The following LRRTM4 variants were observed in gnomAD, a reference collection of about 807,000 sequenced individuals.
LRRTM4 encodes leucine rich repeat transmembrane neuronal 4, also known as leucine-rich repeat transmembrane neuronal protein 4.
Under a neutral mutation model 47.6 loss-of-function variants are expected in LRRTM4, and 25 were observed. The observed-to-expected ratio is 0.53, with a 90% CI of 0.38 to 0.73. LRRTM4 has a LOEUF of 0.73. LRRTM4 is among the 30% of genes least tolerant of loss of function. The pLI is 0.00. For synonymous variants in LRRTM4, 311 were observed against 269.5 expected, an observed-to-expected ratio of 1.15 and a Z score of -1.51; for missense variants, 638 against 713.4, an observed-to-expected ratio of 0.89 and a Z score of 1.20.
At chr2:77,123,708 T>G (rs952382381) in intron 3 of LRRTM4, among the ~76,000 whole-genome samples, 1 of 152,102 alleles carries the variant, frequency 6.6e-6, no homozygotes, top group African/African-American at 2.4e-5. Context: ...TGTTTTCACA[T>G]CAGAAGTTAA....
chr2:77,031,604 G>A (rs955898402), intron 3 of LRRTM4, among the ~76,000 whole-genome samples: 18 of 152,040 alleles, frequency 1.2e-4, no homozygotes, highest in Admixed American at 9.8e-4. Context: ...TCCTAGGATC[G>A]CTTTTCAGGG....
At chr2:77,082,715 T>C (rs1680572187) in intron 3 of LRRTM4, among the ~76,000 whole-genome samples, 1 of 152,106 alleles carries the variant, frequency 6.6e-6, no homozygotes, top group Admixed American at 6.5e-5. Context: ...ATCCTATTTG[T>C]TCTGGAATTA....
chr2:76,857,331 C>A (rs894617548), intron 3 of LRRTM4, among the ~76,000 whole-genome samples: 24 of 127,258 alleles, frequency 1.9e-4, no homozygotes, highest in African/African-American at 1.0e-3. Flanking sequence ...ATATATATAT[C>A]ATATATATTT....
chr2:77,377,415 T>C (rs767199524), intron 3 of LRRTM4, among the ~76,000 whole-genome samples: 2 of 152,016 alleles, frequency 1.3e-5, no homozygotes, highest in African/African-American at 4.8e-5. Context: ...CTGCAGATAA[T>C]AGTTGGATAT....
chr2:77,026,669 A>C (rs566651285), intron 3 of LRRTM4, among the ~76,000 whole-genome samples: 1 of 151,940 alleles, frequency 6.6e-6, no homozygotes, highest in East Asian at 1.9e-4. Flanking sequence ...TCATAGAAAA[A>C]GTAAAATTCT....
intron 3 of LRRTM4, among the ~76,000 whole-genome samples, chr2:77,017,490 C>T (rs1183728310): frequency 6.6e-6 from 1 of 152,102 alleles, no homozygotes; most frequent in African/African-American, 2.4e-5. Flanking sequence ...GCTGTACCTC[C>T]TAAGGTCTGG....
At chr2:77,084,978 CTTTTG>C (rs955746368) in intron 3 of LRRTM4, among the ~76,000 whole-genome samples, 4 of 151,984 alleles carry the variant, frequency 2.6e-5, no homozygotes, top group African/African-American at 7.2e-5. Flanking sequence ...AAAGCTGTTA[CTTTTG>C]TTATGTGAAA....
chr2:76,991,451 A>G (rs909955329), intron 3 of LRRTM4, among the ~76,000 whole-genome samples: 1 of 151,660 alleles, frequency 6.6e-6, no homozygotes, highest in Non-Finnish European at 1.5e-5. Flanking sequence ...CAAAGGTGAC[A>G]TTACAACTTA....
intron 3 of LRRTM4, among the ~76,000 whole-genome samples, chr2:77,341,797 G>A (rs1301102120): frequency 1.3e-5 from 2 of 151,942 alleles, no homozygotes; most frequent in Non-Finnish European, 2.9e-5. Flanking sequence ...CTCAATTTGG[G>A]TAAAGGAGAA....
intron 3 of LRRTM4, among the ~76,000 whole-genome samples, chr2:77,363,086 C>T (rs1248417837): frequency 6.6e-6 from 1 of 152,122 alleles, no homozygotes; most frequent in Non-Finnish European, 1.5e-5. Flanking sequence ...GGTTAAGCAA[C>T]AAAGGTGAGG....
intron 3 of LRRTM4, among the ~76,000 whole-genome samples, chr2:77,466,342 A>T (rs189250863): frequency 9.3e-4 from 141 of 152,328 alleles, no homozygotes; most frequent in Admixed American, 2.0e-3. Context: ...TAAGCAAGAA[A>T]AATAAAATAA....
At chr2:77,173,564 C>T (rs1673113503) in intron 3 of LRRTM4, among the ~76,000 whole-genome samples, 1 of 152,038 alleles carries the variant, frequency 6.6e-6, no homozygotes, top group South Asian at 2.1e-4. Context: ...TAAATTAAAC[C>T]AAAAATCTAC....
chr2:77,078,690 AC>A, intron 3 of LRRTM4, among the ~76,000 whole-genome samples: 1 of 152,212 alleles, frequency 6.6e-6, no homozygotes, highest in East Asian at 1.9e-4. Flanking sequence ...TAGTACAGTG[AC>A]AAACCTTGTC....
intron 3 of LRRTM4, among the ~76,000 whole-genome samples, chr2:77,217,815 G>T (rs1262024881): frequency 6.6e-6 from 1 of 151,950 alleles, no homozygotes; most frequent in African/African-American, 2.4e-5. Context: ...ATTGTACTGA[G>T]AGCATGGAAC....
chr2:77,361,558 A>G (rs1398857142), intron 3 of LRRTM4, among the ~76,000 whole-genome samples: 2 of 152,214 alleles, frequency 1.3e-5, no homozygotes, highest in Admixed American at 6.5e-5. Context: ...GTGGTCCCAC[A>G]TATCCTCTTC....
intron 3 of LRRTM4, among the ~76,000 whole-genome samples, chr2:76,914,995 A>C (rs1481657342): frequency 6.6e-6 from 1 of 152,268 alleles, no homozygotes; most frequent in Admixed American, 6.5e-5. Flanking sequence ...AGGTACGCAG[A>C]AAGAAATATG....
At chr2:77,502,688 A>C (rs1678618472) in intron 3 of LRRTM4, among the ~76,000 whole-genome samples, 1 of 151,614 alleles carries the variant, frequency 6.6e-6, no homozygotes. Context: ...AAATTAGATC[A>C]AGTAGGATTG....
chr2:77,176,482 A>G (rs558461575), intron 3 of LRRTM4, among the ~76,000 whole-genome samples: 33 of 152,320 alleles, frequency 2.2e-4, no homozygotes, highest in African/African-American at 7.7e-4. Context: ...GTTCTTAACC[A>G]TCACAAGGAA....
intron 3 of LRRTM4, among the ~76,000 whole-genome samples, chr2:77,427,622 T>C (rs1275825581): frequency 6.6e-6 from 1 of 152,196 alleles, no homozygotes; most frequent in Non-Finnish European, 1.5e-5. Flanking sequence ...AGCAGTTATA[T>C]AGTTGAGTTG....
Sources: allele counts gnomAD v4.1 joint callset (sites outside exome capture counted in the v4.1 genomes callset), GRCh38; gene constraint gnomAD v4.1.1; transcripts MANE v1.5; gene names NCBI Gene and HGNC (gene_info 2026-07-23, HGNC 2026-07-21).